The following ME3 variants were observed in gnomAD, a reference collection of about 807,000 sequenced individuals.
ME3 encodes NADP-dependent malic enzyme, mitochondrial.
ME3 carries 48 observed loss-of-function variants against 68.9 expected under a neutral mutation model. The observed-to-expected ratio is 0.70, with a 90% CI of 0.55 to 0.89. The LOEUF is 0.89. ME3 is among the 40% of genes least tolerant of loss of function. ME3 has a pLI of 0.00. For missense variants in ME3, 675 were observed against 797.4 expected, an observed-to-expected ratio of 0.85 and a Z score of 1.85; for synonymous variants, 320 against 318.8, an observed-to-expected ratio of 1.00 and a Z score of -0.04.
At chr11:86,487,866 CGCAGTTGTG>C in intron 6 of ME3, among the ~76,000 whole-genome samples, 1 of 152,304 alleles carries the variant, frequency 6.6e-6, no homozygotes, top group South Asian at 2.1e-4. Context: ...CAGTAACACT[CGCAGTTGTG>C]GCCATCAAAA....
chr11:86,619,396 C>T (rs1943201240), intron 2 of ME3, among the ~76,000 whole-genome samples: 1 of 152,188 alleles, frequency 6.6e-6, no homozygotes, highest in South Asian at 2.1e-4. Context: ...CTTCAGTTTT[C>T]TTCTGGCTGC....
intron 4 of ME3, among the ~76,000 whole-genome samples, chr11:86,514,582 A>G (rs143856658): frequency 2.6e-5 from 4 of 152,330 alleles, no homozygotes; most frequent in Non-Finnish European, 4.4e-5. Context: ...AGAATGTAGC[A>G]TAGACTAGGG....
At chr11:86,623,601 A>G (rs1311961408) in intron 2 of ME3, among the ~76,000 whole-genome samples, 4 of 152,226 alleles carry the variant, frequency 2.6e-5, no homozygotes, top group Non-Finnish European at 5.9e-5. Context: ...TTAAGGTGTT[A>G]TGTAAGTTGT....
intron 2 of ME3, among the ~76,000 whole-genome samples, chr11:86,643,304 C>A (rs1944784120): frequency 3.8e-5 from 1 of 26,576 alleles, no homozygotes; most frequent in Non-Finnish European, 8.6e-5. Flanking sequence ...CAAACAGCAG[C>A]CCATGCCCCC....
At chr11:86,440,581 T>G (rs1454486951), downstream of ME3, among the ~76,000 whole-genome samples, 1 of 152,132 alleles carries the variant, frequency 6.6e-6, no homozygotes, top group South Asian at 2.1e-4. Flanking sequence ...TCTCTGGTTT[T>G]CCTTTTAGAA....
intron 2 of ME3, among the ~76,000 whole-genome samples, chr11:86,665,012 G>T (rs370728650): frequency 6.6e-6 from 1 of 152,222 alleles, no homozygotes; most frequent in East Asian, 1.9e-4. Context: ...GACACTGGGC[G>T]ATGAGAGTCA....
chr11:86,523,826 T>C (rs1282172493), intron 4 of ME3, among the ~76,000 whole-genome samples: 1 of 152,130 alleles, frequency 6.6e-6, no homozygotes, highest in Non-Finnish European at 1.5e-5. Context: ...TAGAAGGAAA[T>C]TTCAGCTGAA....
At chr11:86,438,943 C>A (rs1351775042), downstream of ME3, among the ~76,000 whole-genome samples, 4 of 152,106 alleles carry the variant, frequency 2.6e-5, no homozygotes, top group East Asian at 7.7e-4. Flanking sequence ...AGTCAGCAAG[C>A]TGGAGATCTA....
chr11:86,549,367 A>C (rs1956547830), intron 4 of ME3, among the ~76,000 whole-genome samples: 1 of 151,986 alleles, frequency 6.6e-6, no homozygotes, highest in Non-Finnish European at 1.5e-5. Flanking sequence ...ATATTCCTTT[A>C]CTTCCAGGTC....
At chr11:86,481,732 C>T (rs755501834) in intron 7 of ME3, among the ~76,000 whole-genome samples, 11 of 152,194 alleles carry the variant, frequency 7.2e-5, no homozygotes, top group Non-Finnish European at 1.3e-4. Flanking sequence ...CCCAGAGCCT[C>T]CTTTAGCCTC....
intron 4 of ME3, among the ~76,000 whole-genome samples, chr11:86,547,412 T>C (rs2139390746): frequency 6.8e-6 from 1 of 147,580 alleles, no homozygotes; most frequent in South Asian, 2.1e-4. Flanking sequence ...TTCTCACTTA[T>C]AAGTGGGAGT....
intron 14 of ME3, among the ~76,000 whole-genome samples, chr11:86,442,516 T>C (rs545383373): frequency 2.0e-5 from 3 of 152,298 alleles, no homozygotes; most frequent in African/African-American, 4.8e-5. Flanking sequence ...ACCTTTCTTA[T>C]AAATGGGCGC....
intron 5 of ME3, among the ~76,000 whole-genome samples, chr11:86,504,448 T>C (rs1952932976): frequency 7.2e-6 from 1 of 139,688 alleles, no homozygotes; most frequent in Non-Finnish European, 1.5e-5. Context: ...TGGAATGCAG[T>C]GGCCTGATCT....
chr11:86,576,201 G>T (rs1374790574), intron 2 of ME3, among the ~76,000 whole-genome samples: 1 of 152,166 alleles, frequency 6.6e-6, no homozygotes, highest in South Asian at 2.1e-4. Context: ...TTAATTCTCT[G>T]TGAGAAGCTT....
In ME3 at chr11:86,577,081, T is replaced by G. The variant is rs891007337; in HGVS notation, c.184-17258A>C. ...TATCTCATCACTCTTTGGGCAGGAT[T>G]TCCCCCTCCCCTGTTCCCATTCTAA... On this transcript the variant is annotated intron_variant, in intron 2 of 14. Coordinates refer to ENST00000543262, the Ensembl canonical transcript of ME3. 2.0e-5 allele frequency among the ~76,000 whole-genome samples: 3 copies of G among 152,122 alleles called. No individual in the cohort carries two copies. In the East Asian group the frequency reaches 5.8e-4, roughly 29 times the overall value.
At chr11:86,547,239 C>CAAA (rs1169843852) in intron 4 of ME3, among the ~76,000 whole-genome samples, 539 of 45,810 alleles carry the variant, frequency 0.012, 16 homozygotes, top group African/African-American at 0.033. Flanking sequence ...GACTCCATCT[C>CAAA]AAAAAAAAAA....
chr11:86,632,243 C>A (rs1944064098), intron 2 of ME3, among the ~76,000 whole-genome samples: 1 of 152,108 alleles, frequency 6.6e-6, no homozygotes, highest in African/African-American at 2.4e-5. Flanking sequence ...GAGCAGAGGG[C>A]CTCTGGGAGA....
downstream of ME3, among the ~76,000 whole-genome samples, chr11:86,439,777 T>C (rs897999100): frequency 6.6e-6 from 1 of 152,226 alleles, no homozygotes; most frequent in Admixed American, 6.5e-5. Flanking sequence ...TCTCTACTAT[T>C]GTTTTTCTTT....
chr11:86,633,943 A>AT (rs1944172971), intron 2 of ME3, among the ~76,000 whole-genome samples: 1 of 152,198 alleles, frequency 6.6e-6, no homozygotes. Flanking sequence ...TGATTCTGCC[A>AT]TGACGGTGCC....
Sources: allele counts gnomAD v4.1 joint callset (sites outside exome capture counted in the v4.1 genomes callset), GRCh38; gene constraint gnomAD v4.1.1; transcripts MANE v1.5; gene names NCBI Gene and HGNC (gene_info 2026-07-23, HGNC 2026-07-21).